WWP1: variants seen among roughly 807,000 people sequenced by gnomAD.
WWP1 encodes NEDD4-like E3 ubiquitin-protein ligase WWP1.
In WWP1, 49 loss-of-function variants were observed where a neutral mutation model predicts 130.6. The observed-to-expected ratio is 0.38, with a 90% CI of 0.30 to 0.48. The LOEUF (loss-of-function observed/expected upper bound fraction) is 0.48. Ranked by LOEUF, WWP1 falls within the 20% of genes least tolerant of loss-of-function variation. The pLI, the probability that WWP1 is intolerant of heterozygous loss-of-function variation, is 0.99. For synonymous variants in WWP1, 332 were observed against 367.8 expected, an observed-to-expected ratio of 0.90 and a Z score of 1.11; for missense variants, 809 against 1,100.6, an observed-to-expected ratio of 0.74 and a Z score of 3.75.
chr8:86,420,918 A>C (rs1310439665), intron 9 of WWP1, among the ~76,000 whole-genome samples: 1 of 152,260 alleles, frequency 6.6e-6, no homozygotes, highest in Non-Finnish European at 1.5e-5. Flanking sequence ...GACAGCAATA[A>C]AAATTCAAGG....
intron 1 of WWP1, among the ~76,000 whole-genome samples, chr8:86,354,072 G>A (rs1372737274): frequency 2.6e-5 from 4 of 152,138 alleles, no homozygotes; most frequent in African/African-American, 9.7e-5. Context: ...ACCTAGAATT[G>A]GGTGTTGGCA....
At chr8:86,461,052 G>A (rs1199803888) in intron 22 of WWP1, among the ~76,000 whole-genome samples, 172 bp from the exon 23 acceptor site, 12 of 151,818 alleles carry the variant, frequency 7.9e-5, no homozygotes, top group African/African-American at 1.2e-4. Flanking sequence ...CTCGTGATCC[G>A]CCTGCTTCGG....
Position 86,468,475 on chromosome 8 carries a change from G to C in WWP1, c.*1582G>C, listed in dbSNP as rs545876452. 25 of 425,910 alleles carry C rather than the reference G, an allele frequency of 5.9e-5. No homozygotes were observed. The East Asian group carries it at 1.7e-3, about 29-fold the overall frequency. The allele number at this position is 425,910 out of a possible 1,614,324, so 26.4% of individuals were successfully genotyped here. A position where few individuals can be genotyped will look rare whatever the true frequency, so the allele number is the denominator to read the frequency against. ...TGTATGTGACAGGTTATGTGATAGA[G>C]GGAAACTGGCCTTCAAAAAGGACTG... On this transcript the variant is annotated 3_prime_UTR_variant, in exon 25 of 25. Coordinates refer to ENST00000517970, the MANE Select transcript of WWP1 (RefSeq NM_007013.4).
chr8:86,397,692 A>T (rs913155880), intron 5 of WWP1, among the ~76,000 whole-genome samples: 4 of 152,196 alleles, frequency 2.6e-5, no homozygotes, highest in Admixed American at 2.6e-4. Flanking sequence ...TCTAACATAG[A>T]AGTTGAAGCA....
chr8:86,457,830 C>T lies in WWP1; in HGVS notation c.2395-91C>T, dbSNP rs986362561. On this transcript the variant is annotated intron_variant, in intron 21 of 24. Transcript: ENST00000517970. ...GCATATAGCTTTTCACATAATTTGC[C>T]ATGTGCATAACTGCATTAGGAAATT... 5 of 1,127,334 alleles carry T rather than the reference C, an allele frequency of 4.4e-6. No homozygotes were observed. In the Admixed American group the frequency reaches 9.7e-5, roughly 22 times the overall value. The allele number at this position is 1,127,334 out of a possible 1,614,324, so 69.8% of individuals were successfully genotyped here. A position where few individuals can be genotyped will look rare whatever the true frequency, so the allele number is the denominator to read the frequency against.
intron 1 of WWP1, among the ~76,000 whole-genome samples, chr8:86,361,404 C>T (rs1025047231): frequency 6.6e-6 from 1 of 152,132 alleles, no homozygotes. Context: ...CATTTTCTGC[C>T]TAGACTACTT....
At chr8:86,408,817 G>A (rs776450371) in intron 8 of WWP1, among the ~76,000 whole-genome samples, 2 of 152,094 alleles carry the variant, frequency 1.3e-5, no homozygotes, top group Admixed American at 6.6e-5. Flanking sequence ...GGCTGGGGCA[G>A]GAGAATTGCT....
At chr8:86,440,062 T>C (rs1024879535) in intron 17 of WWP1, among the ~76,000 whole-genome samples, 1 of 152,194 alleles carries the variant, frequency 6.6e-6, no homozygotes, top group African/African-American at 2.4e-5. Flanking sequence ...CTGCCTATCA[T>C]AATAAATGTT....
At chr8:86,391,963 T>C (rs1433715218) in intron 5 of WWP1, among the ~76,000 whole-genome samples, 1 of 152,214 alleles carries the variant, frequency 6.6e-6, no homozygotes, top group Non-Finnish European at 1.5e-5. Context: ...TAGTAAATGC[T>C]CTAAGAAAGA....
intron 18 of WWP1, among the ~76,000 whole-genome samples, chr8:86,445,812 ATC>A (rs1221430970): frequency 6.6e-6 from 1 of 151,812 alleles, no homozygotes; most frequent in Non-Finnish European, 1.5e-5. Flanking sequence ...CCTTGCCAAC[ATC>A]TGTTATTTTT....
chr8:86,374,130 T>A lies in WWP1; in HGVS notation c.70+10T>A. The A allele has an allele frequency of 6.3e-7, 1 of 1,599,236 alleles. No individual in the cohort carries two copies. Among genetic ancestry groups the A allele is most frequent in the South Asian group, 1.1e-5 (1 of 88,590 alleles). On this transcript the variant is annotated intron_variant, in intron 3 of 24. Coordinates refer to ENST00000517970, the MANE Select transcript of WWP1 (RefSeq NM_007013.4). ...CAGTTACAGGTAACTGGTAAGTTAT[T>A]TTTATATTTAATATGGTGATTCCCT...
chr8:86,362,814 A>G (rs1823748325), intron 1 of WWP1, among the ~76,000 whole-genome samples: 1 of 152,196 alleles, frequency 6.6e-6, no homozygotes, highest in Non-Finnish European at 1.5e-5. Flanking sequence ...GAAATTATTT[A>G]AAATAAAAGC....
intron 18 of WWP1, among the ~76,000 whole-genome samples, chr8:86,446,529 A>C (rs568388954): frequency 1.9e-3 from 198 of 105,114 alleles, no homozygotes; most frequent in African/African-American, 7.7e-3. Context: ...CTTAGCCAGA[A>C]ATTTTTTTGT....
At chr8:86,453,720 G>A (rs769308369) in intron 21 of WWP1, among the ~76,000 whole-genome samples, 5 of 151,784 alleles carry the variant, frequency 3.3e-5, no homozygotes, top group Non-Finnish European at 5.9e-5. Context: ...TCTTGTTTTG[G>A]TTTTTTGCTT....
chr8:86,459,604 A>T (rs1719738768), intron 22 of WWP1, among the ~76,000 whole-genome samples: 1 of 152,220 alleles, frequency 6.6e-6, no homozygotes, highest in South Asian at 2.1e-4. Context: ...AGCCTTTTGC[A>T]TTCTATACTA....
chr8:86,408,099 T>A (rs889571861), intron 8 of WWP1, among the ~76,000 whole-genome samples: 4 of 152,250 alleles, frequency 2.6e-5, no homozygotes, highest in African/African-American at 9.6e-5. Flanking sequence ...ATACTGGCTC[T>A]ATAGTTTTGT....
At chr8:86,442,492 A>ATTTG (rs1810643682) in intron 17 of WWP1, 127 bp from the exon 18 acceptor site, 17 of 868,582 alleles carry the variant, frequency 2.0e-5, no homozygotes, top group Non-Finnish European at 2.7e-5. Context: ...AGAGGGCCAA[A>ATTTG]GAATTGGGCA....
chr8:86,416,643 A>G (rs2130596466), intron 9 of WWP1, among the ~76,000 whole-genome samples: 1 of 151,468 alleles, frequency 6.6e-6, no homozygotes, highest in Non-Finnish European at 1.5e-5. Context: ...ATAATGTTTT[A>G]GTGAGACAGA....
At chr8:86,415,143 A>G (rs374027324) in intron 9 of WWP1, among the ~76,000 whole-genome samples, 91 of 152,264 alleles carry the variant, frequency 6.0e-4, no homozygotes, top group African/African-American at 2.2e-3. Flanking sequence ...GATTTTGCCT[A>G]AAGAACTTTG....
Sources: gnomAD v4.1 joint callset for allele counts (sites outside exome capture counted in the v4.1 genomes callset) on GRCh38, gnomAD v4.1.1 for gene constraint, MANE v1.5 for transcripts, NCBI Gene and HGNC (gene_info 2026-07-23, HGNC 2026-07-21) for gene names.